Variants in TMEFF1 observed in about 807,000 individuals in gnomAD.
The protein encoded by TMEFF1 is transmembrane protein with EGF like and two follistatin like domains 1.
In TMEFF1, 20 loss-of-function variants were observed where a neutral mutation model predicts 47.5. That is an observed-to-expected ratio of 0.42 (90% CI 0.30 to 0.61). The LOEUF (loss-of-function observed/expected upper bound fraction) is 0.61, where lower values mean the gene tolerates loss of function less well. Among genes scored for constraint, TMEFF1 ranks in the 20% least tolerant of loss-of-function variants. The pLI is 0.19. For synonymous variants in TMEFF1, 162 were observed against 166.3 expected, an observed-to-expected ratio of 0.97 and a Z score of 0.20; for missense variants, 411 against 471.1, an observed-to-expected ratio of 0.87 and a Z score of 1.18.
intron 5 of TMEFF1, among the ~76,000 whole-genome samples, chr9:100,521,502 C>A (rs1838159367): frequency 6.6e-6 from 1 of 152,194 alleles, no homozygotes; most frequent in Non-Finnish European, 1.5e-5. Flanking sequence ...AACAGCCTTC[C>A]TTTACAGCAA....
intron 5 of TMEFF1, among the ~76,000 whole-genome samples, chr9:100,528,138 G>C (rs1330925905): frequency 6.6e-6 from 1 of 150,548 alleles, no homozygotes; most frequent in Non-Finnish European, 1.5e-5. Flanking sequence ...ACAAAGATGG[G>C]GAAAAAACAG....
chr9:100,496,352 ACCT>A (rs1837648043), intron 1 of TMEFF1, among the ~76,000 whole-genome samples: 1 of 152,028 alleles, frequency 6.6e-6, no homozygotes, highest in Non-Finnish European at 1.5e-5. Flanking sequence ...TGATCCTCCC[ACCT>A]CAGCCTCCCA....
At chr9:100,505,439 A>AAAC (rs1564012574) in intron 2 of TMEFF1, among the ~76,000 whole-genome samples, 3 of 150,254 alleles carry the variant, frequency 2.0e-5, no homozygotes, top group South Asian at 2.1e-4. Flanking sequence ...AAAAAAAAAA[A>AAAC]AACAACTAAA....
intron 1 of TMEFF1, among the ~76,000 whole-genome samples, chr9:100,483,403 A>G (rs1391939953): frequency 6.6e-6 from 1 of 152,186 alleles, no homozygotes; most frequent in Non-Finnish European, 1.5e-5. Flanking sequence ...AGTTTGAGGC[A>G]GGAGAATCGC....
chr9:100,498,918 A>G lies in TMEFF1; in HGVS notation c.306+44A>G, dbSNP rs374966181. 3 of 1,578,730 alleles carry G rather than the reference A, an allele frequency of 1.9e-6. No individual in the cohort carries two copies. The African/African-American group carries it at 4.1e-5, about 22-fold the overall frequency. ...TTTTGAAAAGTTTTATATTCTTCGT[A>G]TTTTATAATTCTAAATTCTTCAAAT... On this transcript the variant is annotated intron_variant, in intron 2 of 9. Coordinates refer to ENST00000374879, the MANE Select transcript of TMEFF1 (RefSeq NM_003692.5).
chr9:100,549,294 C>A (rs1259394136), intron 6 of TMEFF1, among the ~76,000 whole-genome samples: 1 of 152,084 alleles, frequency 6.6e-6, no homozygotes, highest in Non-Finnish European at 1.5e-5. Context: ...CTTTTGTAAA[C>A]AACTAGGTCT....
At chr9:100,546,509 A>T (rs1838735184) in intron 5 of TMEFF1, among the ~76,000 whole-genome samples, 1 of 151,836 alleles carries the variant, frequency 6.6e-6, no homozygotes, top group South Asian at 2.1e-4. Flanking sequence ...GTAAGGACAC[A>T]GCCAAACCAC....
chr9:100,508,915 C>T, intron 2 of TMEFF1, 90 bp from the exon 3 acceptor site: 1 of 1,290,602 alleles, frequency 7.7e-7, no homozygotes, highest in Non-Finnish European at 9.9e-7. Flanking sequence ...CGAAGTATGT[C>T]ATAATGCTAT....
chr9:100,570,581 A>C (rs1355040403), intron 8 of TMEFF1, among the ~76,000 whole-genome samples: 1 of 151,972 alleles, frequency 6.6e-6, no homozygotes, highest in African/African-American at 2.4e-5. Flanking sequence ...AAACCAATTG[A>C]CCATAGATGT....
rs748418217 is a variant in TMEFF1 at position 100,561,469 on chromosome 9, G to T, written c.848G>T (p.Cys283Phe). The change falls in exon 8 of 10, where the codon TGC (cysteine) becomes TTC (phenylalanine). Residue 283 changes from cysteine (C) to phenylalanine (F), a missense_variant. Cys to Phe is a radical substitution (Grantham distance 205). Coordinates refer to ENST00000374879, the MANE Select transcript of TMEFF1 (RefSeq NM_003692.5). ...MPCPENLNGY[C>F]IHGKCEFIYS... is the part of the protein sequence containing the mutation. ...TGCCCTGAAAACCTCAATGGTTACTGCATCCATGGAAAATGTGAATTCATC... is the reference window on the plus strand; with the variant it reads ...TGCCCTGAAAACCTCAATGGTTACTTCATCCATGGAAAATGTGAATTCATC... 6.2e-7 allele frequency: 1 copy of T among 1,613,818 alleles called. No homozygotes were observed.
chr9:100,576,121 A>G (rs1165742300), intron 9 of TMEFF1, among the ~76,000 whole-genome samples: 1 of 152,142 alleles, frequency 6.6e-6, no homozygotes, highest in South Asian at 2.1e-4. Flanking sequence ...CTCATAATGC[A>G]CAGGGAAAGT....
At chr9:100,494,240 C>T (rs1412142853) in intron 1 of TMEFF1, among the ~76,000 whole-genome samples, 1 of 148,904 alleles carries the variant, frequency 6.7e-6, no homozygotes, top group Non-Finnish European at 1.5e-5. Flanking sequence ...AGTAAGGTGT[C>T]AGAGCACCAG....
chr9:100,482,302 A>G (rs995901093), intron 1 of TMEFF1, among the ~76,000 whole-genome samples: 23 of 151,440 alleles, frequency 1.5e-4, no homozygotes, highest in Non-Finnish European at 1.5e-5. Context: ...GGTTCAAGCG[A>G]TTCTCCTGCC....
chr9:100,531,846 C>G (rs1838386175), intron 5 of TMEFF1, among the ~76,000 whole-genome samples: 1 of 152,106 alleles, frequency 6.6e-6, no homozygotes, highest in South Asian at 2.1e-4. Context: ...AACTATACTA[C>G]AAGGCTACAG....
intron 4 of TMEFF1, among the ~76,000 whole-genome samples, chr9:100,515,183 A>T (rs1838042408): frequency 6.6e-6 from 1 of 151,966 alleles, no homozygotes; most frequent in South Asian, 2.1e-4. Context: ...TGCCCTGAGG[A>T]TGTAGGTTGA....
chr9:100,514,770 G>A (rs867042715), intron 4 of TMEFF1, among the ~76,000 whole-genome samples: 5 of 151,988 alleles, frequency 3.3e-5, no homozygotes, highest in South Asian at 2.1e-4. Context: ...CGAGGCGGGC[G>A]GATCACCTGA....
At chr9:100,570,634 A>G (rs1406693575) in intron 8 of TMEFF1, among the ~76,000 whole-genome samples, 1 of 147,384 alleles carries the variant, frequency 6.8e-6, no homozygotes, top group Non-Finnish European at 1.5e-5. Flanking sequence ...CATGATCCAC[A>G]TACCTGCCCA....
At chr9:100,575,996 G>A (rs916706377) in intron 9 of TMEFF1, among the ~76,000 whole-genome samples, 6 of 152,096 alleles carry the variant, frequency 3.9e-5, no homozygotes, top group Admixed American at 3.9e-4. Flanking sequence ...CTTCTTTTGA[G>A]TCATTGTCTA....
intron 5 of TMEFF1, among the ~76,000 whole-genome samples, chr9:100,543,704 A>AACACACACACACACACAC (rs36046142): frequency 1.4e-5 from 2 of 138,824 alleles, no homozygotes; most frequent in South Asian, 2.5e-4. Context: ...GATGAAGTAA[A>AACACACACACACACACAC]ACACACACAC....
Sources: allele counts gnomAD v4.1 joint callset (sites outside exome capture counted in the v4.1 genomes callset), GRCh38; gene constraint gnomAD v4.1.1; transcripts MANE v1.5; gene names NCBI Gene and HGNC (gene_info 2026-07-23, HGNC 2026-07-21).